RBM47: variants seen among roughly 807,000 people sequenced by gnomAD.
RBM47 encodes the protein RNA-binding protein 47.
RBM47 carries 21 observed loss-of-function variants against 47.1 expected under a neutral mutation model. The observed-to-expected ratio is 0.45, with a 90% CI of 0.32 to 0.64. RBM47 has a LOEUF of 0.64. Ranked by LOEUF, RBM47 falls within the 30% of genes least tolerant of loss-of-function variation. The pLI, the probability that RBM47 is intolerant of heterozygous loss-of-function variation, is 0.05. For synonymous variants in RBM47, 375 were observed against 361.7 expected (o/e 1.04, Z -0.42); for missense variants, 708 against 870.9 (o/e 0.81, Z 2.35).
chr4:40,621,484 T>C lies in RBM47; in HGVS notation c.-240+7912A>G, dbSNP rs140352660. The stretch of plus-strand genomic sequence containing the variant: ...CAAACAATGACTCTAGCACTTCCGT[T>C]TCATGCCAGGTCAAGACAAAAATAC... On this transcript the variant is annotated intron_variant, in intron 1 of 6. Transcript: ENST00000295971. 3.2e-3 allele frequency among the ~76,000 whole-genome samples: 493 copies of C among 152,310 alleles called. 1 individual carries two copies. The highest frequency in any genetic ancestry group is 0.014 in the Middle Eastern group (4 of 294).
intron 2 of RBM47, among the ~76,000 whole-genome samples, chr4:40,520,415 TG>T (rs1454192071): frequency 6.6e-6 from 1 of 152,222 alleles, no homozygotes; most frequent in East Asian, 1.9e-4. Context: ...GGCAGAATAA[TG>T]TGTCTCTGGG....
chr4:40,582,101 G>A (rs1733014439), intron 1 of RBM47, among the ~76,000 whole-genome samples: 1 of 152,016 alleles, frequency 6.6e-6, no homozygotes, highest in African/African-American at 2.4e-5. Context: ...AACCCATCTC[G>A]AATCTTCATG....
At chr4:40,541,636 G>T (rs1439942027) in intron 2 of RBM47, among the ~76,000 whole-genome samples, 1 of 152,110 alleles carries the variant, frequency 6.6e-6, no homozygotes, top group African/African-American at 2.4e-5. Flanking sequence ...TAGTCGGGAG[G>T]CTGAGGCACG....
At chr4:40,427,611 T>C (rs1445482678) in intron 6 of RBM47, 1 of 152,212 alleles carries the variant, frequency 6.6e-6, no homozygotes, top group Non-Finnish European at 1.5e-5. Context: ...AGCCATAGAA[T>C]GCCTGGTAGT....
chr4:40,573,795 G>GAGAA (rs1429732191), intron 1 of RBM47, among the ~76,000 whole-genome samples: 1 of 51,034 alleles, frequency 2.0e-5, no homozygotes, highest in Non-Finnish European at 3.2e-5. Context: ...GAGAGAGAGA[G>GAGAA]AGAAAGAAAG....
intron 3 of RBM47, among the ~76,000 whole-genome samples, chr4:40,440,939 T>TA (rs1713527624): frequency 6.6e-6 from 1 of 152,168 alleles, no homozygotes; most frequent in Non-Finnish European, 1.5e-5. Flanking sequence ...GAGTAATTCT[T>TA]AAGATAAACA....
intron 2 of RBM47, among the ~76,000 whole-genome samples, chr4:40,530,314 T>C (rs1310278186): frequency 6.6e-6 from 1 of 152,010 alleles, no homozygotes; most frequent in African/African-American, 2.4e-5. Flanking sequence ...TTTCTTCTTC[T>C]TTTTTTCGAG....
At chr4:40,570,214 T>TAAAG (rs1560476546) in intron 1 of RBM47, among the ~76,000 whole-genome samples, 3 of 152,010 alleles carry the variant, frequency 2.0e-5, no homozygotes, top group East Asian at 3.9e-4. Context: ...TTCAAGCACA[T>TAAAG]TACATTTATT....
rs1205981888 is a variant in RBM47, at chr4:40,438,573, G to A, written c.321C>T (p.Asp107=). 1.9e-6 allele frequency: 3 copies of A among 1,613,824 alleles called. No individual in the cohort carries two copies. The highest frequency in any genetic ancestry group is 1.3e-5 in the African/African-American group (1 of 74,946). ...IYELRLMMDF[D]GKNRGYAFVM... is the part of the protein sequence containing the mutation. ...CGAAGGCGTAGCCGCGGTTCTTGCC[G>A]TCAAAGTCCATCATGAGGCGCAGCT... is the stretch of plus-strand genomic sequence containing the variant. The change falls in exon 4 of 7, where the codon GAC becomes GAT. Residue 107 remains aspartate, a synonymous_variant. Coordinates refer to ENST00000295971, the MANE Select transcript of RBM47 (RefSeq NM_001098634.2).
intron 3 of RBM47, among the ~76,000 whole-genome samples, chr4:40,449,385 C>T (rs745464287): frequency 1.5e-4 from 23 of 152,150 alleles, no homozygotes; most frequent in South Asian, 4.1e-4. Flanking sequence ...TCTGAGAAAG[C>T]GTTCATTCAT....
At position 40,583,388 on chromosome 4, in the gene RBM47, G is replaced by GGAAAAAA. The variant is rs1733166027; in HGVS notation, c.-239-38883_-239-38882insTTTTTTC. On this transcript the variant is annotated intron_variant, in intron 1 of 6. Coordinates refer to ENST00000295971, the MANE Select transcript of RBM47 (RefSeq NM_001098634.2). ...GAGATCACGCCACTACTCCATCTCA[G>GGAAAAAA]AAAAAAAAAAAAAAAAAAAAAAAAA... 6.6e-5 allele frequency among the ~76,000 whole-genome samples: 6 copies of GGAAAAAA among 91,102 alleles called. 3 individuals carry two copies. 59.8% of individuals were successfully genotyped at this position (91,102 alleles called of 152,430 possible). A position where few individuals can be genotyped will look rare whatever the true frequency, so the allele number is the denominator to read the frequency against.
intron 6 of RBM47, among the ~76,000 whole-genome samples, chr4:40,430,229 C>A (rs1192079757): frequency 3.3e-5 from 4 of 119,498 alleles, no homozygotes; most frequent in East Asian, 3.2e-4. Context: ...AACAAACAAA[C>A]AAAAAAAGAC....
chr4:40,462,056 T>C (rs929345597), intron 3 of RBM47, among the ~76,000 whole-genome samples: 3 of 152,172 alleles, frequency 2.0e-5, no homozygotes, highest in African/African-American at 4.8e-5. Flanking sequence ...GGGAGACCTC[T>C]GAGACCCTGA....
chr4:40,622,818 G>T (rs1737386681), intron 1 of RBM47, among the ~76,000 whole-genome samples: 1 of 152,214 alleles, frequency 6.6e-6, no homozygotes, highest in Admixed American at 6.5e-5. Flanking sequence ...GAAGGCAGAG[G>T]TTGCAGTGAG....
intron 2 of RBM47, among the ~76,000 whole-genome samples, chr4:40,478,466 A>C (rs1436989322): frequency 1.3e-5 from 2 of 152,200 alleles, no homozygotes; most frequent in Non-Finnish European, 2.9e-5. Context: ...AAAAAAAAGT[A>C]CAGACGCAAA....
At chr4:40,436,716 C>CG in intron 4 of RBM47, 69 bp from the exon 5 acceptor site, 5 of 1,492,150 alleles carry the variant, frequency 3.4e-6, no homozygotes, top group Non-Finnish European at 4.6e-6. Flanking sequence ...CCTCAGCCCT[C>CG]GGTTCTCGGC....
At chr4:40,432,203 TACACACACACACACACACACACACACAC>T (rs61008905) in intron 6 of RBM47, among the ~76,000 whole-genome samples, 3 of 147,722 alleles carry the variant, frequency 2.0e-5, no homozygotes, top group Admixed American at 2.0e-4. Flanking sequence ...TCTCTCTCTT[TACACACACACACACACACACACACACAC>T]ACACACACAC....
At chr4:40,487,839 A>G (rs1483102451) in intron 2 of RBM47, among the ~76,000 whole-genome samples, 3 of 152,194 alleles carry the variant, frequency 2.0e-5, no homozygotes, top group Non-Finnish European at 4.4e-5. Flanking sequence ...GACCAAAGAA[A>G]GCTGGTTATC....
chr4:40,491,368 C>G (rs901561692), intron 2 of RBM47, among the ~76,000 whole-genome samples: 4 of 152,110 alleles, frequency 2.6e-5, no homozygotes, highest in African/African-American at 9.7e-5. Context: ...CTGTAAAACT[C>G]TTGGAAGAAA....
Sources: allele counts gnomAD v4.1 joint callset (sites outside exome capture counted in the v4.1 genomes callset), GRCh38; gene constraint gnomAD v4.1.1; transcripts MANE v1.5; gene names NCBI Gene and HGNC (gene_info 2026-07-23, HGNC 2026-07-21).